Variants in SYN3 observed in about 807,000 individuals in gnomAD.
The protein encoded by SYN3 is synapsin III, also known as synapsin-3.
In SYN3, 35 loss-of-function variants were observed where a neutral mutation model predicts 65.8. That is an observed-to-expected ratio of 0.53 (90% confidence interval 0.41 to 0.70). The LOEUF (loss-of-function observed/expected upper bound fraction) is 0.70. Among genes scored for constraint, SYN3 ranks in the 30% least tolerant of loss-of-function variants. SYN3 has a pLI of 0.00. For missense variants in SYN3, 680 were observed against 749.0 expected, an observed-to-expected ratio of 0.91 and a Z score of 1.08; for synonymous variants, 270 against 292.9, an observed-to-expected ratio of 0.92 and a Z score of 0.80.
intron 6 of SYN3, among the ~76,000 whole-genome samples, chr22:32,669,649 G>A (rs1319929944): frequency 6.6e-6 from 1 of 152,184 alleles, no homozygotes; most frequent in Non-Finnish European, 1.5e-5. Context: ...CTTGTTCCAA[G>A]GTTAAAGAAC....
chr22:32,685,294 T>A (rs1411253667), intron 6 of SYN3, among the ~76,000 whole-genome samples: 2 of 120 alleles, frequency 0.017, no homozygotes, highest in African/African-American at 0.091. Flanking sequence ...TCTAAAGTGA[T>A]AACATCCCAA....
At chr22:32,746,391 G>C (rs1049945723) in intron 6 of SYN3, among the ~76,000 whole-genome samples, 1 of 152,010 alleles carries the variant, frequency 6.6e-6, no homozygotes, top group African/African-American at 2.4e-5. Context: ...GTAACCATGA[G>C]AAAGTCACTT....
chr22:33,033,943 G>C (rs1454325237), intron 1 of SYN3, among the ~76,000 whole-genome samples: 1 of 152,032 alleles, frequency 6.6e-6, no homozygotes. Context: ...CCAGCACTTT[G>C]GGAGGCTGAG....
chr22:32,867,739 C>T (rs372053412), intron 5 of SYN3, among the ~76,000 whole-genome samples: 5 of 152,290 alleles, frequency 3.3e-5, no homozygotes, highest in African/African-American at 4.8e-5. Context: ...CACGCCACCA[C>T]GCCCAGCTAA....
intron 6 of SYN3, among the ~76,000 whole-genome samples, chr22:32,800,985 C>T (rs1295868932): frequency 6.6e-6 from 1 of 152,226 alleles, no homozygotes; most frequent in Non-Finnish European, 1.5e-5. Context: ...GAAAATCACC[C>T]TGTGCATTCA....
intron 6 of SYN3, among the ~76,000 whole-genome samples, chr22:32,631,413 A>G (rs972878578): frequency 6.6e-5 from 10 of 152,232 alleles, no homozygotes; most frequent in African/African-American, 1.9e-4. Flanking sequence ...AGGCTCTTAA[A>G]TCATTGAGCA....
At chr22:32,752,953 G>A (rs2145666366) in intron 6 of SYN3, among the ~76,000 whole-genome samples, 1 of 152,212 alleles carries the variant, frequency 6.6e-6, no homozygotes, top group Non-Finnish European at 1.5e-5. Flanking sequence ...GAGCACTCTG[G>A]GGAACAGCTC....
intron 6 of SYN3, among the ~76,000 whole-genome samples, chr22:32,669,591 A>C (rs2060333702): frequency 6.6e-6 from 1 of 152,256 alleles, no homozygotes; most frequent in South Asian, 2.1e-4. Flanking sequence ...AAGAGAGCGT[A>C]ACAGTGACAG....
intron 6 of SYN3, among the ~76,000 whole-genome samples, chr22:32,611,950 G>A (rs2146690691): frequency 6.6e-6 from 1 of 152,226 alleles, no homozygotes; most frequent in South Asian, 2.1e-4. Flanking sequence ...GATAGAGATT[G>A]AACTAATAAT....
chr22:32,740,509 A>G (rs2061390720), intron 6 of SYN3, among the ~76,000 whole-genome samples: 1 of 152,202 alleles, frequency 6.6e-6, no homozygotes, highest in Non-Finnish European at 1.5e-5. Context: ...GGAACAGCAT[A>G]TGCAAAATAG....
At chr22:32,865,434 A>G (rs1292455735) in intron 5 of SYN3, among the ~76,000 whole-genome samples, 1 of 152,156 alleles carries the variant, frequency 6.6e-6, no homozygotes, top group African/African-American at 2.4e-5. Context: ...TTGCTTTGCC[A>G]CTTACTAGCT....
rs141052820 is a variant in SYN3 at position 32,869,058 on chromosome 22, A to G, written c.529T>C (p.Tyr177His). The change falls in exon 5 of 14, where the codon TAC becomes CAC. Residue 177 changes from tyrosine (Y) to histidine (H), a missense_variant. Coordinates refer to ENST00000358763, the MANE Select transcript of SYN3 (RefSeq NM_003490.4). ...TGCAGGCCGATGACCAGGCTGCGGT[A>G]GTCTTCCCCCAGGGCCATGCTGTAG... ...HAYSMALGED[Y>H]RSLVIGLQYG... is the part of the protein sequence containing the mutation. The G allele has an allele frequency of 1.8e-5, 29 of 1,613,994 alleles. No homozygotes were observed. The African/African-American group carries it at 3.1e-4, about 17-fold the overall frequency.
chr22:32,621,026 A>C (rs775005890), intron 6 of SYN3, among the ~76,000 whole-genome samples: 1 of 152,156 alleles, frequency 6.6e-6, no homozygotes, highest in Non-Finnish European at 1.5e-5. Flanking sequence ...CCAACAAAAC[A>C]CTTTTGATGG....
chr22:32,557,125 C>T (rs1478250978), intron 7 of SYN3, among the ~76,000 whole-genome samples: 2 of 152,002 alleles, frequency 1.3e-5, no homozygotes, highest in Non-Finnish European at 1.5e-5. Flanking sequence ...TTAGAATAGT[C>T]CTTAAACATA....
At chr22:32,629,640 C>T (rs1413675372) in intron 6 of SYN3, 1 of 152,164 alleles carries the variant, frequency 6.6e-6, no homozygotes, top group Non-Finnish European at 1.5e-5. Flanking sequence ...TATTTAAACG[C>T]TTTATAAACT....
chr22:33,014,702 C>T (rs1057447696), intron 1 of SYN3, among the ~76,000 whole-genome samples: 4 of 152,094 alleles, frequency 2.6e-5, no homozygotes, highest in African/African-American at 9.7e-5. Flanking sequence ...ATCGCTTGAA[C>T]CCGGGAGGCG....
rs910623125 is a variant in SYN3, at chr22:33,039,138, T to C, written c.-163+19154A>G. ...CCAGGCTCCTGGCAATCCTGGGAGA[T>C]GGGTGTCACCAATCCTATCGTATAG... On this transcript the variant is annotated intron_variant, in intron 1 of 13. Coordinates refer to ENST00000358763, the MANE Select transcript of SYN3 (RefSeq NM_003490.4). Among the ~76,000 whole-genome samples, 7 of 152,298 alleles carry C rather than the reference T, an allele frequency of 4.6e-5. 1 individual carries two copies. Among genetic ancestry groups the C allele is most frequent in the East Asian group, 3.9e-4 (2 of 5,172 alleles).
At chr22:32,753,373 T>TC in intron 6 of SYN3, among the ~76,000 whole-genome samples, 1 of 152,188 alleles carries the variant, frequency 6.6e-6, no homozygotes. Flanking sequence ...TCAGGCTGTC[T>TC]CTAGAGGGGC....
At chr22:32,716,041 T>C (rs1488412558) in intron 6 of SYN3, among the ~76,000 whole-genome samples, 1 of 152,078 alleles carries the variant, frequency 6.6e-6, no homozygotes, top group Non-Finnish European at 1.5e-5. Context: ...TGGGAGGTTT[T>C]GAAGAAGATC....
Sources: gnomAD v4.1 joint callset for allele counts (sites outside exome capture counted in the v4.1 genomes callset) on GRCh38, gnomAD v4.1.1 for gene constraint, MANE v1.5 for transcripts, NCBI Gene and HGNC (gene_info 2026-07-23, HGNC 2026-07-21) for gene names.